VTI1A: variants seen among roughly 807,000 people sequenced by gnomAD.
VTI1A encodes the protein vesicle transport through interaction with t-SNAREs homolog 1A.
VTI1A carries 22 observed loss-of-function variants against 34.9 expected under a neutral mutation model. That is an observed-to-expected ratio of 0.63 (90% CI 0.45 to 0.90). VTI1A has a LOEUF of 0.90. VTI1A is among the 40% of genes least tolerant of loss of function. VTI1A has a pLI of 0.00. For missense variants in VTI1A, 268 were observed against 275.6 expected, an observed-to-expected ratio of 0.97 and a Z score of 0.20; for synonymous variants, 87 against 97.3, an observed-to-expected ratio of 0.89 and a Z score of 0.62.
At chr10:112,821,308 C>G (rs979893632), downstream of VTI1A, among the ~76,000 whole-genome samples, 1 of 152,116 alleles carries the variant, frequency 6.6e-6, no homozygotes, top group Non-Finnish European at 1.5e-5. Flanking sequence ...ACCAGCACCG[C>G]TCAGCACAGC....
At chr10:112,648,721 C>T (rs1045987147) in intron 5 of VTI1A, among the ~76,000 whole-genome samples, 2 of 151,928 alleles carry the variant, frequency 1.3e-5, no homozygotes, top group Admixed American at 6.6e-5. Flanking sequence ...TTATTATTAC[C>T]CTTTCAGTAT....
chr10:112,528,496 G>C (rs1850317052), intron 4 of VTI1A, among the ~76,000 whole-genome samples: 1 of 147,652 alleles, frequency 6.8e-6, no homozygotes, highest in Non-Finnish European at 1.5e-5. Flanking sequence ...TGTGAGAATA[G>C]CTAAAGGAAA....
chr10:112,460,647 A>G (rs1847700232), intron 2 of VTI1A, 65 bp downstream of exon 2: 3 of 1,315,998 alleles, frequency 2.3e-6, no homozygotes, highest in Admixed American at 4.9e-5. Flanking sequence ...GTCTTCCTCT[A>G]GCCTGTTTTA....
At chr10:112,682,633 A>C (rs1848254253) in intron 7 of VTI1A, among the ~76,000 whole-genome samples, 1 of 152,224 alleles carries the variant, frequency 6.6e-6, no homozygotes, top group Non-Finnish European at 1.5e-5. Flanking sequence ...AGCCTGGTAG[A>C]CTGAGAGAGA....
At chr10:112,785,212 A>C (rs11196108) in intron 7 of VTI1A, among the ~76,000 whole-genome samples, 1,998 of 152,324 alleles carry the variant, frequency 0.013, 31 homozygotes, top group East Asian at 0.052. Context: ...AGGTCCATGA[A>C]GCCTGTAGAT....
At chr10:112,595,142 C>A (rs1306479725) in intron 5 of VTI1A, among the ~76,000 whole-genome samples, 1 of 145,896 alleles carries the variant, frequency 6.9e-6, no homozygotes, top group Non-Finnish European at 1.5e-5. Context: ...CTTCCTTACA[C>A]CTTATACAAA....
At chr10:112,808,902 G>A (rs900005180) in intron 7 of VTI1A, among the ~76,000 whole-genome samples, 1 of 152,176 alleles carries the variant, frequency 6.6e-6, no homozygotes, top group Non-Finnish European at 1.5e-5. Flanking sequence ...TCACTGTCCT[G>A]ACAGTCAATC....
chr10:112,563,020 G>A (rs1446973717), intron 5 of VTI1A, among the ~76,000 whole-genome samples: 1 of 152,082 alleles, frequency 6.6e-6, no homozygotes, highest in African/African-American at 2.4e-5. Flanking sequence ...CATTAAAATT[G>A]CACCCGCGTA....
At chr10:112,450,001 T>A (rs1168054756) in intron 1 of VTI1A, 1 of 151,932 alleles carries the variant, frequency 6.6e-6, no homozygotes, top group Non-Finnish European at 1.5e-5. Flanking sequence ...ACGGCTCAAG[T>A]CTACTCCCAC....
chr10:112,538,082 T>C (rs1850714018), intron 4 of VTI1A, among the ~76,000 whole-genome samples, 164 bp from the exon 5 acceptor site: 1 of 152,154 alleles, frequency 6.6e-6, no homozygotes, highest in Admixed American at 6.5e-5. Flanking sequence ...AATCTGTCTA[T>C]GGTAGTGGTT....
the VTI1A span, among the ~76,000 whole-genome samples, chr10:112,833,697 G>A: frequency 6.6e-6 from 1 of 152,066 alleles, no homozygotes; most frequent in Non-Finnish European, 1.5e-5. Flanking sequence ...GTGAGCTCTT[G>A]GAGGGCAGGA....
intron 5 of VTI1A, among the ~76,000 whole-genome samples, chr10:112,636,553 G>A (rs756285694): frequency 6.6e-6 from 1 of 151,678 alleles, no homozygotes; most frequent in Admixed American, 6.6e-5. Context: ...GTGAAACCCC[G>A]TCTCTACTAA....
intron 7 of VTI1A, among the ~76,000 whole-genome samples, chr10:112,676,578 T>A (rs1848038048): frequency 6.6e-6 from 1 of 152,220 alleles, no homozygotes. Context: ...GTGAACTTTC[T>A]AGCCTTGTTT....
At chr10:112,736,712 A>G in intron 7 of VTI1A, 1 of 1,551,780 alleles carries the variant, frequency 6.4e-7, no homozygotes, top group Non-Finnish European at 8.7e-7. Context: ...ATTTCTCTTC[A>G]CTGTTCACAG....
At chr10:112,684,500 G>A (rs1000391969) in intron 7 of VTI1A, among the ~76,000 whole-genome samples, 9 of 146,684 alleles carry the variant, frequency 6.1e-5, no homozygotes, top group African/African-American at 1.5e-4. Context: ...GTACAGTGGC[G>A]TGATCTTGGC....
chr10:112,643,015 C>G (rs1272439136), intron 5 of VTI1A, among the ~76,000 whole-genome samples: 4 of 134,540 alleles, frequency 3.0e-5, no homozygotes, highest in African/African-American at 1.1e-4. Context: ...CAGAGTCTCA[C>G]TCTTGTCACC....
At chr10:112,753,411 C>T (rs1321457033) in intron 7 of VTI1A, among the ~76,000 whole-genome samples, 4 of 152,100 alleles carry the variant, frequency 2.6e-5, no homozygotes, top group African/African-American at 7.2e-5. Context: ...TTACTATCCT[C>T]AGAGAGGGAG....
intron 5 of VTI1A, among the ~76,000 whole-genome samples, chr10:112,603,784 C>T (rs1164505033): frequency 6.6e-6 from 1 of 152,102 alleles, no homozygotes; most frequent in Non-Finnish European, 1.5e-5. Context: ...CCAATGCCTT[C>T]CCCATCCCCC....
intron 3 of VTI1A, among the ~76,000 whole-genome samples, chr10:112,465,089 T>C (rs1175423603): frequency 6.6e-6 from 1 of 152,166 alleles, no homozygotes; most frequent in Non-Finnish European, 1.5e-5. Context: ...ATAAACTCCA[T>C]AGACTTTATT....
Sources: allele counts gnomAD v4.1 joint callset (sites outside exome capture counted in the v4.1 genomes callset), GRCh38; gene constraint gnomAD v4.1.1; transcripts MANE v1.5; gene names NCBI Gene and HGNC (gene_info 2026-07-23, HGNC 2026-07-21).